Variants in BLTP1 observed in about 807,000 individuals in gnomAD.
BLTP1 encodes the protein bridge-like lipid transfer protein family member 1.
the BLTP1 span, chr4:122,207,307 A>G: frequency 1.3e-6 from 2 of 1,522,380 alleles, no homozygotes; most frequent in African/African-American, 1.4e-5. Context: ...TTCTCTCATT[A>G]AGGCAAATAC....
At chr4:122,217,634 A>G in the BLTP1 span, among the ~76,000 whole-genome samples, 3 of 151,754 alleles carry the variant, frequency 2.0e-5, no homozygotes, top group Non-Finnish European at 4.4e-5. Flanking sequence ...TTTGTTGAGG[A>G]TTTTTGCATC....
the BLTP1 span, among the ~76,000 whole-genome samples, chr4:122,327,148 G>A: frequency 7.3e-6 from 1 of 136,842 alleles, no homozygotes; most frequent in African/African-American, 2.7e-5. Flanking sequence ...CTATTTAAAT[G>A]CAGTGGCCTC....
At chr4:122,246,005 T>C in the BLTP1 span, 1 of 802,334 alleles carries the variant, frequency 1.2e-6, no homozygotes, top group African/African-American at 1.8e-5. Context: ...TTATCGAAAG[T>C]TTGGATTTTA....
At chr4:122,154,244 T>C in the BLTP1 span, 18,631 of 889,782 alleles carry the variant, frequency 0.021, 1,265 homozygotes, top group African/African-American at 0.21. Flanking sequence ...GGTGCGATCT[T>C]GGCTCACTGC....
chr4:122,353,249 T>A, the BLTP1 span: 1 of 1,524,708 alleles, frequency 6.6e-7, no homozygotes, highest in East Asian at 2.3e-5. This position sits in a 1 kb window ranked among gnomAD's most constrained non-coding sequence, Gnocchi z 4.3. Context: ...CTGTTTGTTA[T>A]CATGTATCTG....
chr4:122,235,835 G>A, the BLTP1 span, among the ~76,000 whole-genome samples: 594 of 152,176 alleles, frequency 3.9e-3, 5 homozygotes, highest in African/African-American at 0.013. Flanking sequence ...AATCTTTAGC[G>A]TAACTCTGCA....
At chr4:122,203,897 T>C in the BLTP1 span, 1 of 446,878 alleles carries the variant, frequency 2.2e-6, no homozygotes, top group Non-Finnish European at 3.0e-6. Context: ...GGCTAATAAC[T>C]TTATAAAATT....
the BLTP1 span, chr4:122,345,013 G>A: frequency 3.0e-6 from 3 of 984,970 alleles, no homozygotes; most frequent in East Asian, 1.1e-4. Flanking sequence ...CCTTTACATT[G>A]CGATTTGAGT....
the BLTP1 span, chr4:122,313,656 A>T: frequency 1.9e-6 from 3 of 1,587,770 alleles, no homozygotes; most frequent in African/African-American, 1.4e-5. Context: ...CCTATGAAGT[A>T]TGTTCAAGAA....
chr4:122,362,716 T>TGTTA, the BLTP1 span: 2 of 153,646 alleles, frequency 1.3e-5, no homozygotes, highest in African/African-American at 4.8e-5. Flanking sequence ...ACTAAAATAT[T>TGTTA]GTTAACTATT....
chr4:122,353,759 TC>T, the BLTP1 span: 2 of 1,544,098 alleles, frequency 1.3e-6, no homozygotes, highest in Non-Finnish European at 1.8e-6. The surrounding 1 kb of genome is among the most constrained non-coding windows in gnomAD (Gnocchi z 4.3). Flanking sequence ...ACAATTATCA[TC>T]TTGAATCTAA....
chr4:122,302,084 G>T, the BLTP1 span: 3 of 245,058 alleles, frequency 1.2e-5, no homozygotes, highest in Non-Finnish European at 2.0e-5. Flanking sequence ...AACAAACAAA[G>T]ACTATATTAT....
At chr4:122,257,468 G>T in the BLTP1 span, 1 of 1,614,070 alleles carries the variant, frequency 6.2e-7, no homozygotes, top group Non-Finnish European at 8.5e-7. Flanking sequence ...TACCAGTGCT[G>T]ATGGAGCAGA....
the BLTP1 span, chr4:122,187,614 G>T: frequency 8.1e-7 from 1 of 1,234,236 alleles, no homozygotes; most frequent in Non-Finnish European, 1.1e-6. Flanking sequence ...ATAGTTTTGT[G>T]GAGTTTTTTT....
chr4:122,307,543 C>T, the BLTP1 span: 1 of 984,910 alleles, frequency 1.0e-6, no homozygotes. Context: ...TAAATCAGAT[C>T]CTTTTAATGG....
the BLTP1 span, chr4:122,353,780 A>G: frequency 6.3e-7 from 1 of 1,588,188 alleles, no homozygotes; most frequent in Non-Finnish European, 8.6e-7. The surrounding 1 kb of genome is among the most constrained non-coding windows in gnomAD (Gnocchi z 4.3). Flanking sequence ...AATATGGTTT[A>G]TTACTTTAAA....
chr4:122,263,670 G>A, the BLTP1 span: 1 of 958,730 alleles, frequency 1.0e-6, no homozygotes, highest in Non-Finnish European at 1.5e-6. Flanking sequence ...TATTTTTCAG[G>A]GGATGGGTTA....
chr4:122,207,317 C>G, the BLTP1 span: 16 of 1,479,078 alleles, frequency 1.1e-5, no homozygotes, highest in Non-Finnish European at 1.5e-5. Flanking sequence ...AAGGCAAATA[C>G]CAACTAAGAA....
At chr4:122,248,643 G>A in the BLTP1 span, among the ~76,000 whole-genome samples, 2 of 152,006 alleles carry the variant, frequency 1.3e-5, no homozygotes, top group East Asian at 1.9e-4. Flanking sequence ...GAAAATGTAG[G>A]TGAATGTTTA....
Sources: allele counts gnomAD v4.1 joint callset (sites outside exome capture counted in the v4.1 genomes callset), GRCh38; gene constraint gnomAD v4.1.1; non-coding constraint Gnocchi (gnomAD v3.1); transcripts MANE v1.5; gene names NCBI Gene and HGNC (gene_info 2026-07-23, HGNC 2026-07-21).